The following CFAP43 variants were observed in gnomAD, a reference collection of about 807,000 sequenced individuals.
CFAP43 encodes cilia and flagella associated protein 43.
In CFAP43, 155 loss-of-function variants were observed where a neutral mutation model predicts 218.9. That is an observed-to-expected ratio of 0.71 (90% confidence interval 0.62 to 0.81). The LOEUF (loss-of-function observed/expected upper bound fraction) is 0.81. Ranked by LOEUF, CFAP43 falls within the 30% of genes least tolerant of loss-of-function variation. The pLI is 0.00. For missense variants in CFAP43, 1,778 were observed against 1,954.3 expected (o/e 0.91, Z 1.70); for synonymous variants, 645 against 681.3 (o/e 0.95, Z 0.83).
rs777805575 is a variant in CFAP43 at position 104,179,123 on chromosome 10, A to G, written c.2383-17T>C. 30 of 1,593,242 alleles carry G rather than the reference A, an allele frequency of 1.9e-5. No individual in the cohort carries two copies. Among genetic ancestry groups the G allele is most frequent in the Non-Finnish European group, 2.5e-5 (29 of 1,163,160 alleles). ...TTTGATGGCCTGAAACAGAACAAGT[A>G]TATCACTTAACAAAGCAAGAGAAAT... On this transcript the variant is annotated splice_polypyrimidine_tract_variant and intron_variant, in intron 18 of 37. Coordinates refer to ENST00000357060, the MANE Select transcript of CFAP43 (RefSeq NM_025145.7).
At chr10:104,184,852 G>A (rs1273616624) in intron 16 of CFAP43, 164 bp downstream of exon 16, 4 of 775,790 alleles carry the variant, frequency 5.2e-6, no homozygotes, top group East Asian at 1.3e-4. Context: ...TGTGGTACCC[G>A]AGAATGCAGT....
intron 27 of CFAP43, among the ~76,000 whole-genome samples, chr10:104,159,892 C>T (rs2088782107): frequency 6.6e-6 from 1 of 152,114 alleles, no homozygotes; most frequent in African/African-American, 2.4e-5. Flanking sequence ...GCATTTTTAA[C>T]AAATCCCCCA....
At chr10:104,132,235 C>T (rs369070509) in intron 35 of CFAP43, 39 bp from the exon 36 acceptor site, 1 of 1,380,248 alleles carries the variant, frequency 7.2e-7, no homozygotes, top group Non-Finnish European at 1.0e-6. Flanking sequence ...ATATTTTTCT[C>T]TCTTTCAATA....
At chr10:104,164,861 A>G (rs2089073412) in intron 23 of CFAP43, among the ~76,000 whole-genome samples, 1 of 152,238 alleles carries the variant, frequency 6.6e-6, no homozygotes, top group African/African-American at 2.4e-5. Flanking sequence ...TGTAAATTGT[A>G]ACTCCATGTG....
intron 6 of CFAP43, among the ~76,000 whole-genome samples, chr10:104,207,057 C>A (rs1329134681): frequency 6.6e-6 from 1 of 152,014 alleles, no homozygotes; most frequent in African/African-American, 2.4e-5. Flanking sequence ...GCCTATAATT[C>A]CAGGTACCTG....
At chr10:104,224,029 T>C (rs867577402) in intron 3 of CFAP43, among the ~76,000 whole-genome samples, 5 of 152,080 alleles carry the variant, frequency 3.3e-5, no homozygotes, top group Admixed American at 1.3e-4. Flanking sequence ...AAGGAAACTT[T>C]TGGGGTGATG....
At chr10:104,231,744 G>C (rs990496788) in intron 1 of CFAP43, among the ~76,000 whole-genome samples, 16 of 152,152 alleles carry the variant, frequency 1.1e-4, no homozygotes, top group African/African-American at 3.1e-4. Context: ...TAGTGGATAG[G>C]AGTTAGAAGG....
chr10:104,131,381 C>A lies in CFAP43; in HGVS notation c.4781G>T (p.Arg1594Leu). Residue 1594 changes from arginine (R) to leucine (L), a missense_variant, in exon 37 of 38, where the codon CGA (arginine) becomes CTA (leucine). Physicochemically the swap from Arg to Leu is moderately radical, Grantham distance 102. Coordinates refer to ENST00000357060, the MANE Select transcript of CFAP43 (RefSeq NM_025145.7). Reference protein sequence around the residue: ...IANYALSCNLREELVAVSERK... With the variant: ...IANYALSCNLLEELVAVSERK... ...CTCTGAGACAGCTACCAACTCTTCT[C>A]GTAGATTGCAGCTTAGGGCATAATT... 6.2e-7 allele frequency: 1 copy of A among 1,613,640 alleles called. No individual in the cohort carries two copies. Among genetic ancestry groups the A allele is most frequent in the Non-Finnish European group, 8.5e-7 (1 of 1,179,878 alleles).
chr10:104,221,194 C>G (rs1343221453), intron 3 of CFAP43, among the ~76,000 whole-genome samples: 1 of 152,108 alleles, frequency 6.6e-6, no homozygotes, highest in African/African-American at 2.4e-5. Context: ...AGGCTGGTCT[C>G]GAACTCCTGA....
At chr10:104,142,157 G>T in intron 33 of CFAP43, 124 bp downstream of exon 33, 2 of 657,154 alleles carry the variant, frequency 3.0e-6, no homozygotes, top group Non-Finnish European at 4.8e-6. Context: ...AAATTTTAAA[G>T]CACAGTGCTG....
chr10:104,138,690 AAAAG>A (rs1483319660), intron 34 of CFAP43, among the ~76,000 whole-genome samples: 1 of 152,136 alleles, frequency 6.6e-6, no homozygotes, highest in Non-Finnish European at 1.5e-5. Context: ...GAAAAAAAAA[AAAAG>A]AAAGACATGA....
At chr10:104,165,725 G>T (rs2089120606) in intron 23 of CFAP43, among the ~76,000 whole-genome samples, 1 of 152,166 alleles carries the variant, frequency 6.6e-6, no homozygotes, top group Non-Finnish European at 1.5e-5. Context: ...GAGCCAGAGG[G>T]ACCCCAACAC....
At position 104,162,061 on chromosome 10, in the gene CFAP43, A is replaced by G. The variant is rs534495503; in HGVS notation, c.3334-20T>C. ...GGCATCCTGGGAAAGAGCCAGAATC[A>G]GAGAGGAATACTGAGACAGAGACCT... On this transcript the variant is annotated intron_variant, in intron 25 of 37. Coordinates refer to ENST00000357060, the MANE Select transcript of CFAP43 (RefSeq NM_025145.7). The G allele has an allele frequency of 6.2e-7, 1 of 1,609,482 alleles. No homozygotes were observed.
chr10:104,158,525 AT>A (rs1191470633), intron 27 of CFAP43, among the ~76,000 whole-genome samples: 1 of 152,168 alleles, frequency 6.6e-6, no homozygotes, highest in Non-Finnish European at 1.5e-5. Context: ...ATAAGCCTCG[AT>A]TTTTAAAAAA....
intron 3 of CFAP43, among the ~76,000 whole-genome samples, chr10:104,216,039 CAT>C (rs941287664): frequency 1.4e-4 from 22 of 152,216 alleles, no homozygotes; most frequent in Non-Finnish European, 2.8e-4. Context: ...TCATCCATAC[CAT>C]CCTCAAAAGA....
At chr10:104,227,809 A>G (rs2091341795) in intron 2 of CFAP43, among the ~76,000 whole-genome samples, 1 of 114,774 alleles carries the variant, frequency 8.7e-6, no homozygotes, top group Admixed American at 8.9e-5. Flanking sequence ...TCCTGGAATC[A>G]CTCCTCTATT....
rs1474920272 is a variant in CFAP43 at position 104,200,696 on chromosome 10, AG to A, written c.1096-2659del. ...AAAAAAAAAAAAAAAAAAAAAAAAA[AG>A]ACCCAAAGGAAATGAGGAAACTACC... On this transcript the variant is annotated intron_variant, in intron 8 of 37. Transcript: ENST00000357060. Among the ~76,000 whole-genome samples, 622 of 148,384 alleles carry A rather than the reference AG, an allele frequency of 4.2e-3. 8 individuals are homozygous for A. Among genetic ancestry groups the A allele is most frequent in the African/African-American group, 0.015 (585 of 39,830 alleles).
At chr10:104,226,447 G>A (rs1180810766) in intron 2 of CFAP43, among the ~76,000 whole-genome samples, 4 of 151,996 alleles carry the variant, frequency 2.6e-5, no homozygotes, top group Non-Finnish European at 5.9e-5. Flanking sequence ...TTTTTCTGTA[G>A]GCAGAGATCT....
intron 9 of CFAP43, among the ~76,000 whole-genome samples, chr10:104,197,137 A>G (rs1194299947): frequency 6.6e-6 from 1 of 152,236 alleles, no homozygotes; most frequent in African/African-American, 2.4e-5. Context: ...GCAATTTAAT[A>G]CATAACTAAT....
Sources: allele counts gnomAD v4.1 joint callset (sites outside exome capture counted in the v4.1 genomes callset), GRCh38; gene constraint gnomAD v4.1.1; transcripts MANE v1.5; gene names NCBI Gene and HGNC (gene_info 2026-07-23, HGNC 2026-07-21).